Variants in PCDH15 observed in about 807,000 individuals in gnomAD.
PCDH15 encodes the protein protocadherin-15.
Under a neutral mutation model 178.5 loss-of-function variants are expected in PCDH15, and 129 were observed. The ratio of observed to expected loss-of-function variants is 0.72; its 90% confidence interval spans 0.63 to 0.84. The LOEUF is 0.84. Ranked by LOEUF, PCDH15 falls within the 40% of genes least tolerant of loss-of-function variation. The pLI is 0.00. For synonymous variants in PCDH15, 800 were observed against 732.0 expected (o/e 1.09, Z -1.50); for missense variants, 2,230 against 2,099.9 (o/e 1.06, Z -1.21).
intron 2 of PCDH15, among the ~76,000 whole-genome samples, chr10:55,473,565 C>T (rs186447090): frequency 1.1e-4 from 17 of 152,144 alleles, no homozygotes; most frequent in Admixed American, 9.8e-4. Context: ...CATAAATTAT[C>T]ACAACTGAAA....
At chr10:54,074,659 G>A (rs189670127) in intron 17 of PCDH15, among the ~76,000 whole-genome samples, 4 of 152,080 alleles carry the variant, frequency 2.6e-5, no homozygotes, top group African/African-American at 7.2e-5. Context: ...TATGAACATG[G>A]GAATACAAAT....
chr10:54,088,333 G>T (rs1177133883), intron 16 of PCDH15, among the ~76,000 whole-genome samples: 2 of 152,094 alleles, frequency 1.3e-5, no homozygotes, highest in African/African-American at 4.8e-5. Context: ...ATTTCCATGT[G>T]CTTGTTGGCC....
chr10:55,159,643 TAA>T (rs1422847908), intron 2 of PCDH15, among the ~76,000 whole-genome samples: 5 of 147,666 alleles, frequency 3.4e-5, no homozygotes, highest in Non-Finnish European at 7.4e-5. Flanking sequence ...GAGATATATA[TAA>T]AGAGATAAAG....
At chr10:55,588,725 A>G (rs149534749) in intron 2 of PCDH15, among the ~76,000 whole-genome samples, 54 of 152,298 alleles carry the variant, frequency 3.5e-4, no homozygotes, top group Middle Eastern at 3.4e-3. Context: ...CATTTTGAAG[A>G]AAATGAAGTC....
intron 5 of PCDH15, among the ~76,000 whole-genome samples, chr10:54,363,115 A>G (rs1246924844): frequency 6.6e-6 from 1 of 152,124 alleles, no homozygotes; most frequent in Non-Finnish European, 1.5e-5. Flanking sequence ...AAACCTACTT[A>G]TAGTACTTCT....
intron 18 of PCDH15, among the ~76,000 whole-genome samples, chr10:54,057,254 G>T (rs923132816): frequency 3.9e-5 from 6 of 152,172 alleles, no homozygotes; most frequent in Admixed American, 1.3e-4. Flanking sequence ...TCTGTGTGGG[G>T]GCTCCCACCC....
At chr10:54,250,572 C>T (rs147317302) in intron 8 of PCDH15, among the ~76,000 whole-genome samples, 1,617 of 152,112 alleles carry the variant, frequency 0.011, 38 homozygotes, top group African/African-American at 0.037. Flanking sequence ...CCTGAGCCAC[C>T]GCGCCCGGCT....
intron 2 of PCDH15, among the ~76,000 whole-genome samples, chr10:55,615,476 T>A (rs1589188590): frequency 6.6e-6 from 1 of 152,180 alleles, no homozygotes; most frequent in Admixed American, 6.5e-5. Flanking sequence ...ATGGGATAAT[T>A]TATATTACTG....
At chr10:54,535,131 C>A (rs1037960088) in intron 2 of PCDH15, among the ~76,000 whole-genome samples, 1 of 152,094 alleles carries the variant, frequency 6.6e-6, no homozygotes, top group Admixed American at 6.6e-5. Context: ...ATGAAGGGAG[C>A]AAATGATATT....
chr10:55,388,733 A>C (rs7917978), intron 2 of PCDH15, among the ~76,000 whole-genome samples: 30,329 of 152,084 alleles, frequency 0.2, 4,008 homozygotes, highest in Non-Finnish European at 0.29. Flanking sequence ...AAGATAAAAA[A>C]TCCACATATA....
chr10:54,045,368 AG>A (rs1487826549), intron 18 of PCDH15, among the ~76,000 whole-genome samples: 2 of 152,156 alleles, frequency 1.3e-5, no homozygotes, highest in African/African-American at 4.8e-5. Context: ...ATGGTTAGTC[AG>A]TAGAAATTAT....
chr10:55,622,096 GTA>G (rs1210938279), intron 2 of PCDH15, among the ~76,000 whole-genome samples: 10 of 93,010 alleles, frequency 1.1e-4, no homozygotes, highest in African/African-American at 3.6e-4. Context: ...TATATATAAT[GTA>G]TATATATTAT....
chr10:55,119,714 T>G (rs2132064761), intron 2 of PCDH15, among the ~76,000 whole-genome samples: 1 of 152,334 alleles, frequency 6.6e-6, no homozygotes, highest in East Asian at 1.9e-4. Context: ...AAATGGCCTG[T>G]AACTATGTTC....
intron 2 of PCDH15, among the ~76,000 whole-genome samples, chr10:55,088,201 T>A (rs1335837516): frequency 6.6e-6 from 1 of 152,034 alleles, no homozygotes; most frequent in African/African-American, 2.4e-5. Flanking sequence ...CCAGGTCACC[T>A]AAATATTACA....
chr10:54,018,870 T>C (rs149007771), intron 20 of PCDH15, among the ~76,000 whole-genome samples: 245 of 152,214 alleles, frequency 1.6e-3, no homozygotes, highest in African/African-American at 5.6e-3. Context: ...TGAGCCATAA[T>C]TATCAATTAT....
intron 2 of PCDH15, among the ~76,000 whole-genome samples, chr10:54,560,537 G>T (rs2087973696): frequency 6.6e-6 from 1 of 151,840 alleles, no homozygotes; most frequent in Admixed American, 6.6e-5. Context: ...CCTAGATTTG[G>T]AATTTGTATA....
chr10:54,045,881 G>T (rs1001958039), intron 18 of PCDH15, among the ~76,000 whole-genome samples: 1 of 152,038 alleles, frequency 6.6e-6, no homozygotes, highest in Non-Finnish European at 1.5e-5. Flanking sequence ...AAGATATCTT[G>T]CAGGAAGTGA....
chr10:53,828,636 AT>A, intron 30 of PCDH15, 63 bp from the exon 31 acceptor site: 1 of 1,268,776 alleles, frequency 7.9e-7, no homozygotes, highest in Non-Finnish European at 1.1e-6. Flanking sequence ...CATTAATAAC[AT>A]TTTAACATCT....
At chr10:55,222,730 C>CACACACACACACACACAT in intron 1 of PCDH15, among the ~76,000 whole-genome samples, 4 of 121,276 alleles carry the variant, frequency 3.3e-5, no homozygotes, top group Non-Finnish European at 5.1e-5. Context: ...CACACACACA[C>CACACACACACACACACAT]ATATATATAT....
Sources: allele counts gnomAD v4.1 joint callset (sites outside exome capture counted in the v4.1 genomes callset), GRCh38; gene constraint gnomAD v4.1.1; transcripts MANE v1.5; gene names NCBI Gene and HGNC (gene_info 2026-07-23, HGNC 2026-07-21).